The following DGKI variants were observed in gnomAD, a reference collection of about 807,000 sequenced individuals.
DGKI encodes the protein DAG kinase iota.
Under a neutral mutation model 147.5 loss-of-function variants are expected in DGKI, and 55 were observed. The ratio of observed to expected loss-of-function variants is 0.37; its 90% CI spans 0.30 to 0.47. DGKI has a LOEUF of 0.47. DGKI is among the 20% of genes least tolerant of loss of function. DGKI has a pLI of 1.00. For synonymous variants in DGKI, 469 were observed against 477.1 expected (o/e 0.98, Z 0.22); for missense variants, 1,007 against 1,323.8 (o/e 0.76, Z 3.71).
intron 1 of DGKI, among the ~76,000 whole-genome samples, chr7:137,744,533 A>G: frequency 6.6e-6 from 1 of 152,202 alleles, no homozygotes; most frequent in African/African-American, 2.4e-5. Flanking sequence ...TCTCCTCCTA[A>G]CTCATTCTAC....
chr7:137,421,464 A>G (rs1039848915), intron 28 of DGKI, among the ~76,000 whole-genome samples: 3 of 152,236 alleles, frequency 2.0e-5, no homozygotes, highest in Admixed American at 6.5e-5. Flanking sequence ...TTAGCATGGA[A>G]GAGATTTCTG....
At chr7:137,700,919 AAAT>A (rs1443916606) in intron 1 of DGKI, among the ~76,000 whole-genome samples, 2 of 130,094 alleles carry the variant, frequency 1.5e-5, no homozygotes, top group African/African-American at 5.4e-5. Context: ...ATAAATAAAT[AAAT>A]AAAATAAAGT....
rs543783409 is a variant in DGKI, at chr7:137,431,586, A to G, written c.2761+12491T>C. ...AAAGAGAAACAATATACTGGAATTCATAAGCAGAAATCCCTACAGGAACTC... is the reference window on the plus strand; with the variant it reads ...AAAGAGAAACAATATACTGGAATTCGTAAGCAGAAATCCCTACAGGAACTC... On this transcript the variant is annotated intron_variant, in intron 28 of 32. Coordinates refer to ENST00000614521, the MANE Select transcript of DGKI (RefSeq NM_001321708.2). Among the ~76,000 whole-genome samples the G allele has an allele frequency of 1.7e-3, 252 of 152,374 alleles. 2 individuals are homozygous for G. Among genetic ancestry groups the G allele is most frequent in the Non-Finnish European group, 3.3e-3 (223 of 68,044 alleles).
intron 1 of DGKI, among the ~76,000 whole-genome samples, chr7:137,845,250 G>A (rs1200269061): frequency 2.0e-5 from 3 of 152,156 alleles, no homozygotes; most frequent in African/African-American, 7.2e-5. Flanking sequence ...AGTGACTGTG[G>A]CCTCCAGGCC....
At chr7:137,519,512 C>A (rs1210647908) in intron 21 of DGKI, among the ~76,000 whole-genome samples, 9 of 152,066 alleles carry the variant, frequency 5.9e-5, no homozygotes, top group African/African-American at 2.2e-4. Context: ...GATTCACTCT[C>A]TTTGTTCTGG....
At chr7:137,845,481 A>G (rs1159603331) in intron 1 of DGKI, among the ~76,000 whole-genome samples, 2 of 152,152 alleles carry the variant, frequency 1.3e-5, no homozygotes, top group Admixed American at 1.3e-4. Flanking sequence ...AAACCCTCTG[A>G]GCTCCAGCAA....
intron 19 of DGKI, among the ~76,000 whole-genome samples, chr7:137,564,071 A>T (rs1208370538): frequency 6.6e-6 from 1 of 152,158 alleles, no homozygotes; most frequent in Non-Finnish European, 1.5e-5. Flanking sequence ...AGGATAAACA[A>T]ATCAATGGAA....
chr7:137,531,287 A>G (rs1266804969), intron 20 of DGKI, among the ~76,000 whole-genome samples: 1 of 152,188 alleles, frequency 6.6e-6, no homozygotes, highest in Non-Finnish European at 1.5e-5. Context: ...GTCTTTCATC[A>G]CATCAGGCCA....
At chr7:137,404,969 G>A (rs751617062) in intron 30 of DGKI, among the ~76,000 whole-genome samples, 1 of 152,072 alleles carries the variant, frequency 6.6e-6, no homozygotes, top group Non-Finnish European at 1.5e-5. Flanking sequence ...TCTATATTTG[G>A]GGTTAGAAAC....
intron 1 of DGKI, chr7:137,722,142 A>T: frequency 6.3e-7 from 1 of 1,599,220 alleles, no homozygotes; most frequent in Non-Finnish European, 8.5e-7. Flanking sequence ...TCATTGTCAG[A>T]GGAATTGGCA....
intron 1 of DGKI, among the ~76,000 whole-genome samples, chr7:137,691,798 G>GTTTTTTTTTTTTTTTTTTTTTTTTTTTT (rs796902464): frequency 5.2e-5 from 5 of 95,820 alleles, no homozygotes; most frequent in African/African-American, 1.6e-4. Flanking sequence ...AGACCTTTGG[G>GTTTTTTTTTTTTTTTTTTTTTTTTTTTT]TTTTTTTTTT....
At position 137,710,747 on chromosome 7, in the gene DGKI, C is replaced by A. The variant is rs372491216; in HGVS notation, c.402-20745G>T. Among the ~76,000 whole-genome samples, 47 of 151,862 alleles carry A rather than the reference C, an allele frequency of 3.1e-4. 1 individual carries two copies. The highest frequency in any genetic ancestry group is 1.9e-3 in the Admixed American group (29 of 15,258). ...ATTTAATAAATAGAACACACACACA[C>A]AAAAATCTAGAAATCCTAGAAGGAA... is the stretch of plus-strand genomic sequence containing the variant. On this transcript the variant is annotated intron_variant, in intron 1 of 32. Transcript: ENST00000614521.
At chr7:137,781,509 T>C (rs777062071) in intron 1 of DGKI, among the ~76,000 whole-genome samples, 10 of 152,084 alleles carry the variant, frequency 6.6e-5, no homozygotes, top group South Asian at 2.1e-4. Context: ...CCCAATTTAA[T>C]GGGGTCTGAG....
intron 28 of DGKI, among the ~76,000 whole-genome samples, chr7:137,442,857 CA>C (rs1292549291): frequency 6.6e-6 from 1 of 152,160 alleles, no homozygotes; most frequent in Non-Finnish European, 1.5e-5. Context: ...ATAGGGAAAA[CA>C]GGTAAATAAA....
At position 137,388,865 on chromosome 7, in the gene DGKI, A is replaced by C. The variant is rs890128090; in HGVS notation, c.*2355T>G. ...ATCAGGAATCTTACAGTACCAACTCATCATTTTTCATAACACAGATTTATG... is the reference window on the plus strand; with the variant it reads ...ATCAGGAATCTTACAGTACCAACTCCTCATTTTTCATAACACAGATTTATG... On this transcript the variant is annotated 3_prime_UTR_variant, in exon 33 of 33. Coordinates refer to ENST00000614521, the MANE Select transcript of DGKI (RefSeq NM_001321708.2). 4 of 151,780 alleles carry C rather than the reference A, an allele frequency of 2.6e-5. No homozygotes were observed. The highest frequency in any genetic ancestry group is 9.7e-5 in the African/African-American group (4 of 41,284). The allele number at this position is 151,780 out of a possible 1,614,324, so 9.4% of individuals were successfully genotyped here. A position where few individuals can be genotyped will look rare whatever the true frequency, so the allele number is the denominator to read the frequency against.
At chr7:137,414,798 G>A (rs1253644416) in intron 28 of DGKI, among the ~76,000 whole-genome samples, 1 of 152,134 alleles carries the variant, frequency 6.6e-6, no homozygotes, top group Non-Finnish European at 1.5e-5. Context: ...CTCAACTGGA[G>A]TCTAATTCTA....
intron 1 of DGKI, among the ~76,000 whole-genome samples, chr7:137,777,010 C>T (rs550135108): frequency 6.6e-6 from 1 of 152,158 alleles, no homozygotes; most frequent in African/African-American, 2.4e-5. Context: ...CACAGCAAGA[C>T]CCTGTTTCTA....
intron 23 of DGKI, among the ~76,000 whole-genome samples, chr7:137,481,599 C>A (rs1177630101): frequency 6.6e-6 from 1 of 152,046 alleles, no homozygotes; most frequent in African/African-American, 2.4e-5. Context: ...TTGTATAACC[C>A]ATAATACCTT....
At chr7:137,731,340 T>C (rs766331082) in intron 1 of DGKI, among the ~76,000 whole-genome samples, 1 of 152,132 alleles carries the variant, frequency 6.6e-6, no homozygotes, top group African/African-American at 2.4e-5. Flanking sequence ...CACGTAAACA[T>C]AAGCTTCATG....
Sources: allele counts gnomAD v4.1 joint callset (sites outside exome capture counted in the v4.1 genomes callset), GRCh38; gene constraint gnomAD v4.1.1; transcripts MANE v1.5; gene names NCBI Gene and HGNC (gene_info 2026-07-23, HGNC 2026-07-21).